Variants in DYNLRB2 observed in about 807,000 individuals in gnomAD.
The protein encoded by DYNLRB2 is dynein light chain roadblock-type 2, also known as bithoraxoid-like protein.
A neutral mutation model predicts 12.6 loss-of-function variants in DYNLRB2; 14 were observed. That is an observed-to-expected ratio of 1.11 (90% confidence interval 0.73 to 1.73). DYNLRB2 has a LOEUF of 1.73. Ranked by LOEUF, DYNLRB2 falls within the 40% of genes most tolerant of loss-of-function variation. DYNLRB2 has a pLI of 0.00. For missense variants in DYNLRB2, 142 were observed against 117.7 expected, an observed-to-expected ratio of 1.21 and a Z score of -0.95; for synonymous variants, 53 against 37.0, an observed-to-expected ratio of 1.43 and a Z score of -1.57.
intron 2 of DYNLRB2, among the ~76,000 whole-genome samples, chr16:80,547,485 C>T (rs1904546834): frequency 7.3e-6 from 1 of 136,996 alleles, no homozygotes; most frequent in Admixed American, 7.7e-5. Context: ...TGAAAAACTC[C>T]ATGTGTTTCC....
chr16:80,546,982 G>T (rs8062532), intron 2 of DYNLRB2, among the ~76,000 whole-genome samples: 149,557 of 152,322 alleles, frequency 0.98, 73,473 homozygotes, highest in Middle Eastern at 1. Context: ...AGGAGCTTCA[G>T]TTTAGGAATT....
intron 2 of DYNLRB2, among the ~76,000 whole-genome samples, chr16:80,547,294 T>G (rs1190008150): frequency 6.6e-6 from 1 of 152,190 alleles, no homozygotes; most frequent in Non-Finnish European, 1.5e-5. Flanking sequence ...TGAATAGACC[T>G]AGAATGTCTC....
At chr16:80,543,378 GAC>G (rs759276976) in intron 2 of DYNLRB2, 27 bp downstream of exon 2, 12 of 1,611,760 alleles carry the variant, frequency 7.4e-6, no homozygotes, top group Non-Finnish European at 8.5e-6. Flanking sequence ...CTGTCTTCTT[GAC>G]ACACAGAAGC....
intron 3 of DYNLRB2, among the ~76,000 whole-genome samples, chr16:80,549,937 C>A (rs1418077209): frequency 1.3e-5 from 2 of 152,146 alleles, no homozygotes; most frequent in Non-Finnish European, 2.9e-5. Context: ...GCAAACTTAG[C>A]ATACAGACTC....
At position 80,543,258 on chromosome 16, in the gene DYNLRB2, C is replaced by T; in HGVS notation, c.4-18C>T. On this transcript the variant is annotated intron_variant, in intron 1 of 3. Transcript: ENST00000305904. ...CCACAGGGCCCTTTTGGTTAATTAT[C>T]TTCCTGGTCTCTTTCAGGCAGAGGT... is the stretch of plus-strand genomic sequence containing the variant. 6.2e-7 allele frequency: 1 copy of T among 1,613,490 alleles called. No homozygotes were observed. Among genetic ancestry groups the T allele is most frequent in the Non-Finnish European group, 8.5e-7 (1 of 1,179,594 alleles).
intron 2 of DYNLRB2, 47 bp from the exon 3 acceptor site, chr16:80,549,437 C>T: frequency 1.3e-6 from 2 of 1,511,670 alleles, no homozygotes; most frequent in South Asian, 1.3e-5. Flanking sequence ...GTACTTATTA[C>T]TTTTCTAATC....
intron 2 of DYNLRB2, among the ~76,000 whole-genome samples, chr16:80,545,761 T>C (rs1299931489): frequency 4.1e-5 from 6 of 146,622 alleles, no homozygotes; most frequent in African/African-American, 1.5e-4. Flanking sequence ...TCTGCAGCTC[T>C]GCCTCCCTGG....
chr16:80,550,692 C>T lies in DYNLRB2; in HGVS notation c.*134C>T. ...CTATTTCTATATCTAAACTGTTCTG[C>T]ATGTCTCATTTAGTCCCTTTTGATT... On this transcript the variant is annotated 3_prime_UTR_variant, in exon 4 of 4. Transcript: ENST00000305904. 2 of 979,866 alleles carry T rather than the reference C, an allele frequency of 2.0e-6. No homozygotes were observed. Among genetic ancestry groups the T allele is most frequent in the East Asian group, 2.5e-5 (1 of 39,882 alleles). 60.7% of individuals were successfully genotyped at this position (979,866 alleles called of 1,614,324 possible). A position where few individuals can be genotyped will look rare whatever the true frequency, so the allele number is the denominator to read the frequency against.
Position 80,549,650 on chromosome 16 carries a change from A to G in DYNLRB2, c.246A>G (p.Pro82=). The change falls in exon 3 of 4, where the codon CCA becomes CCG. Residue 82 remains proline (P), a splice_region_variant and synonymous_variant. Coordinates refer to ENST00000305904, the MANE Select transcript of DYNLRB2 (RefSeq NM_130897.3). ...AGAAACATGAAATCATGGTAGCTCC[A>G]GGTAATTTGGCATTTCATTTCCTAG... is the stretch of plus-strand genomic sequence containing the variant. ...RSKKHEIMVA[P]DKEYLLIVIQ... The G allele has an allele frequency of 6.3e-7, 1 of 1,587,166 alleles. No homozygotes were observed. The highest frequency in any genetic ancestry group is 1.1e-5 in the South Asian group (1 of 87,976).
At chr16:80,547,227 C>A (rs954251167) in intron 2 of DYNLRB2, among the ~76,000 whole-genome samples, 1 of 152,122 alleles carries the variant, frequency 6.6e-6, no homozygotes, top group African/African-American at 2.4e-5. Flanking sequence ...AATCAAGGTA[C>A]AGAATAGACA....
Position 80,550,775 on chromosome 16 carries a change from A to G in DYNLRB2, c.*217A>G, listed in dbSNP as rs953210116. On this transcript the variant is annotated 3_prime_UTR_variant, in exon 4 of 4. Coordinates refer to ENST00000305904, the MANE Select transcript of DYNLRB2 (RefSeq NM_130897.3). ...AGTGAATTCTGGTATATACGTCTCTATTGTCTTATAATACACAAAACCAAG... is the reference window on the plus strand; with the variant it reads ...AGTGAATTCTGGTATATACGTCTCTGTTGTCTTATAATACACAAAACCAAG... 1.6e-5 allele frequency: 9 copies of G among 570,304 alleles called. No homozygotes were observed. In the Admixed American group the frequency reaches 1.9e-4, roughly 12 times the overall value. The allele number at this position is 570,304 out of a possible 1,614,324, so 35.3% of individuals were successfully genotyped here.
At chr16:80,546,054 T>A (rs1028847087) in intron 2 of DYNLRB2, among the ~76,000 whole-genome samples, 1 of 152,178 alleles carries the variant, frequency 6.6e-6, no homozygotes, top group Non-Finnish European at 1.5e-5. Flanking sequence ...TCTGGGTACT[T>A]AAGAGTTTTT....
intron 2 of DYNLRB2, chr16:80,549,106 C>A: frequency 2.3e-6 from 1 of 429,688 alleles, no homozygotes; most frequent in Non-Finnish European, 4.7e-6. Context: ...TTCATCATCA[C>A]CCCATTAGCT....
chr16:80,550,557 AG>A lies in DYNLRB2; in HGVS notation c.291del (p.Ter97=). The A allele has an allele frequency of 6.2e-7, 1 of 1,614,214 alleles. No individual in the cohort carries two copies. Among genetic ancestry groups the A allele is most frequent in the Non-Finnish European group, 8.5e-7 (1 of 1,180,032 alleles). On this transcript the variant is annotated frameshift_variant and stop_lost, in exon 4 of 4. Transcript: ENST00000305904. LOFTEE classifies it high-confidence loss of function. ...ATCGTCATTCAGAATCCATGTGAAT[AG>A]ACCTGCGATGGCCAAGGCTGTTTAA... ...LLIVIQNPCE[*>X]
At chr16:80,548,708 A>G (rs1024663989) in intron 2 of DYNLRB2, among the ~76,000 whole-genome samples, 4 of 139,894 alleles carry the variant, frequency 2.9e-5, no homozygotes, top group African/African-American at 7.7e-5. Flanking sequence ...GGGGGCCTAC[A>G]ATAGCAAGAC....
At chr16:80,543,001 T>C (rs1041091306) in intron 1 of DYNLRB2, among the ~76,000 whole-genome samples, 1 of 152,154 alleles carries the variant, frequency 6.6e-6, no homozygotes, top group Admixed American at 6.5e-5. Flanking sequence ...TGGAAACAGA[T>C]AAAAATGGAG....
intron 1 of DYNLRB2, among the ~76,000 whole-genome samples, chr16:80,541,725 G>T (rs934608274): frequency 8.5e-5 from 13 of 152,054 alleles, no homozygotes; most frequent in African/African-American, 3.1e-4. Flanking sequence ...CAACTGGGTG[G>T]AGAAATGGAA....
chr16:80,549,056 A>G (rs1259454220), intron 2 of DYNLRB2: 1 of 455,340 alleles, frequency 2.2e-6, no homozygotes, highest in African/African-American at 2.0e-5. Context: ...GTACTCAAGT[A>G]GTCAGTTAAT....
At chr16:80,546,360 C>T (rs762524982) in intron 2 of DYNLRB2, among the ~76,000 whole-genome samples, 1 of 152,118 alleles carries the variant, frequency 6.6e-6, no homozygotes, top group Non-Finnish European at 1.5e-5. Context: ...TTTCTACTAG[C>T]GGTTTTGGTC....
Sources: allele counts gnomAD v4.1 joint callset (sites outside exome capture counted in the v4.1 genomes callset), GRCh38; gene constraint gnomAD v4.1.1; transcripts MANE v1.5; gene names NCBI Gene and HGNC (gene_info 2026-07-23, HGNC 2026-07-21).